The following PDZRN3 variants were observed in gnomAD, a reference collection of about 807,000 sequenced individuals.
PDZRN3 encodes the protein E3 ubiquitin-protein ligase PDZRN3.
In PDZRN3, 38 loss-of-function variants were observed where a neutral mutation model predicts 85.7. The ratio of observed to expected loss-of-function variants is 0.44; its 90% CI spans 0.34 to 0.58. The LOEUF (loss-of-function observed/expected upper bound fraction) is 0.58, where lower values mean the gene tolerates loss of function less well. Ranked by LOEUF, PDZRN3 falls within the 20% of genes least tolerant of loss-of-function variation. The pLI is 0.01. For missense variants in PDZRN3, 1,629 were observed against 1,506.4 expected (o/e 1.08, Z -1.35); for synonymous variants, 759 against 638.0 (o/e 1.19, Z -2.86).
At chr3:73,469,201 T>A (rs112607972) in intron 3 of PDZRN3, among the ~76,000 whole-genome samples, 2,297 of 151,866 alleles carry the variant, frequency 0.015, 58 homozygotes, top group African/African-American at 0.052. Flanking sequence ...GCCTCCCGAA[T>A]AGCTGGAATT....
At chr3:73,544,373 T>A (rs866618080) in intron 3 of PDZRN3, among the ~76,000 whole-genome samples, 2 of 152,318 alleles carry the variant, frequency 1.3e-5, no homozygotes, top group South Asian at 4.1e-4. Flanking sequence ...CATTTTGAAC[T>A]GTTACGTATT....
chr3:73,552,221 A>G (rs1701578566), intron 3 of PDZRN3, among the ~76,000 whole-genome samples: 1 of 120,144 alleles, frequency 8.3e-6, no homozygotes, highest in Non-Finnish European at 1.7e-5. Flanking sequence ...GTGGGAATTA[A>G]AGGAGTGTGT....
At chr3:73,533,017 T>G (rs1218824256) in intron 3 of PDZRN3, among the ~76,000 whole-genome samples, 1 of 152,174 alleles carries the variant, frequency 6.6e-6, no homozygotes, top group Non-Finnish European at 1.5e-5. Flanking sequence ...ACCTAGAAAC[T>G]CTTTGAGAAG....
chr3:73,416,875 G>GTTTTTTTT (rs1491373717), intron 3 of PDZRN3, among the ~76,000 whole-genome samples: 25 of 40,742 alleles, frequency 6.1e-4, no homozygotes, highest in African/African-American at 1.7e-3. Flanking sequence ...GTTTTTTTTT[G>GTTTTTTTT]GTTTTTTTTT....
At chr3:73,615,568 C>T (rs1702748838) in intron 1 of PDZRN3, among the ~76,000 whole-genome samples, 1 of 152,178 alleles carries the variant, frequency 6.6e-6, no homozygotes, top group African/African-American at 2.4e-5. Context: ...GAGAAACCCT[C>T]ACCCTTTCTA....
chr3:73,447,276 C>T (rs560813627), intron 3 of PDZRN3, among the ~76,000 whole-genome samples: 43 of 152,030 alleles, frequency 2.8e-4, no homozygotes, highest in Admixed American at 1.8e-3. Flanking sequence ...ATCGAAGCCT[C>T]GTGCCCTCGG....
intron 3 of PDZRN3, among the ~76,000 whole-genome samples, chr3:73,425,309 C>T (rs537561278): frequency 1.3e-5 from 2 of 152,018 alleles, no homozygotes; most frequent in Non-Finnish European, 2.9e-5. Flanking sequence ...TGAGCCACCG[C>T]GCCCAGCCAT....
chr3:73,579,123 G>T (rs1702163572), intron 3 of PDZRN3, among the ~76,000 whole-genome samples: 1 of 152,116 alleles, frequency 6.6e-6, no homozygotes. Flanking sequence ...AGTCTTGAGG[G>T]TTCTACCCTT....
chr3:73,433,886 CT>C, intron 3 of PDZRN3: 1 of 1,432,286 alleles, frequency 7.0e-7, no homozygotes, highest in South Asian at 1.5e-5. Flanking sequence ...CCCTTCCACG[CT>C]TCCCTTCCTC....
intron 3 of PDZRN3, among the ~76,000 whole-genome samples, chr3:73,489,864 G>T (rs1057428894): frequency 6.6e-6 from 1 of 151,970 alleles, no homozygotes. Flanking sequence ...GAGCCACCAC[G>T]CCCGGCCGGT....
At chr3:73,477,334 A>T (rs2106898255) in intron 3 of PDZRN3, among the ~76,000 whole-genome samples, 1 of 152,298 alleles carries the variant, frequency 6.6e-6, no homozygotes, top group East Asian at 1.9e-4. Context: ...AAAAATATAA[A>T]TTCCGGGTCT....
intron 3 of PDZRN3, among the ~76,000 whole-genome samples, chr3:73,600,324 C>T (rs1702495647): frequency 9.9e-6 from 1 of 101,276 alleles, no homozygotes; most frequent in Non-Finnish European, 2.0e-5. Flanking sequence ...CACACACACA[C>T]ACACACACAC....
chr3:73,493,677 C>T (rs961834341), intron 3 of PDZRN3, among the ~76,000 whole-genome samples: 3 of 152,204 alleles, frequency 2.0e-5, no homozygotes, highest in African/African-American at 7.2e-5. Context: ...CAGGGTTCCA[C>T]TTAAGTTGAT....
intron 3 of PDZRN3, among the ~76,000 whole-genome samples, chr3:73,449,617 G>A (rs974509343): frequency 1.4e-4 from 22 of 152,048 alleles, no homozygotes; most frequent in Admixed American, 6.6e-5. Flanking sequence ...TTAAATAAGC[G>A]AACAACGCGT....
chr3:73,520,423 G>C (rs981354982), intron 3 of PDZRN3, among the ~76,000 whole-genome samples: 60 of 152,266 alleles, frequency 3.9e-4, no homozygotes, highest in African/African-American at 1.3e-3. Flanking sequence ...AGGAACGCTT[G>C]AGCCCGGGAA....
At chr3:73,551,937 G>T (rs929381638) in intron 3 of PDZRN3, among the ~76,000 whole-genome samples, 1 of 152,186 alleles carries the variant, frequency 6.6e-6, no homozygotes, top group African/African-American at 2.4e-5. Flanking sequence ...GAGAAGGTCA[G>T]TAATTCTCAA....
chr3:73,405,958 A>C (rs945649487), intron 3 of PDZRN3, among the ~76,000 whole-genome samples: 1 of 152,192 alleles, frequency 6.6e-6, no homozygotes, highest in Admixed American at 6.5e-5. Flanking sequence ...AGTGCGTTGT[A>C]AACAACTGTT....
At chr3:73,416,801 T>C (rs1448179701) in intron 3 of PDZRN3, among the ~76,000 whole-genome samples, 2 of 151,952 alleles carry the variant, frequency 1.3e-5, no homozygotes, top group South Asian at 2.1e-4. Flanking sequence ...ACGTTGTTTT[T>C]AGAACCATAT....
chr3:73,585,606 T>C (rs1702265849), intron 3 of PDZRN3, among the ~76,000 whole-genome samples: 1 of 152,184 alleles, frequency 6.6e-6, no homozygotes, highest in South Asian at 2.1e-4. Flanking sequence ...GTTTTATTGC[T>C]TCACTGAGAA....
Sources: allele counts gnomAD v4.1 joint callset (sites outside exome capture counted in the v4.1 genomes callset), GRCh38; gene constraint gnomAD v4.1.1; transcripts MANE v1.5; gene names NCBI Gene and HGNC (gene_info 2026-07-23, HGNC 2026-07-21).